ATRN: variants seen among roughly 807,000 people sequenced by gnomAD.
ATRN encodes attractin, also known as attractin-2.
A neutral mutation model predicts 178.7 loss-of-function variants in ATRN; 54 were observed. The observed-to-expected ratio is 0.30, with a 90% CI of 0.24 to 0.38. The LOEUF (loss-of-function observed/expected upper bound fraction) is 0.38. ATRN is among the 10% of genes least tolerant of loss of function. The pLI, the probability that ATRN is intolerant of heterozygous loss-of-function variation, is 1.00. For missense variants in ATRN, 1,443 were observed against 1,815.1 expected, an observed-to-expected ratio of 0.79 and a Z score of 3.73; for synonymous variants, 636 against 663.0, an observed-to-expected ratio of 0.96 and a Z score of 0.63.
Position 3,562,315 on chromosome 20 carries a change from T to C in ATRN, c.1487T>C (p.Leu496Pro), listed in dbSNP as rs749600242. Reference sequence around the variant, plus strand: ...AGTATATTACACACCCAGGGTGCCCTTGTGCAAGGGGGTTACGGCCATAGC... The same window carrying C: ...AGTATATTACACACCCAGGGTGCCCCTGTGCAAGGGGGTTACGGCCATAGC... The part of the protein sequence containing the change: ...TWSILHTQGA[L>P]VQGGYGHSSV... Residue 496 changes from leucine to proline, a missense_variant, in exon 9 of 29, where the codon CTT becomes CCT. This residue lies in a region of ATRN where 862 missense variants were observed against 972.1 expected (regional missense o/e 0.89). Transcript: ENST00000262919. 1 of 1,614,082 alleles carries C rather than the reference T, an allele frequency of 6.2e-7. No homozygotes were observed. Among genetic ancestry groups the C allele is most frequent in the African/African-American group, 1.3e-5 (1 of 75,030 alleles).
chr20:3,551,978 A>T (rs1395446231), intron 6 of ATRN, among the ~76,000 whole-genome samples: 2 of 152,196 alleles, frequency 1.3e-5, no homozygotes, highest in African/African-American at 4.8e-5. Context: ...AGTGTGACTT[A>T]GGAGCTGAAT....
rs530877329 is a variant in ATRN, at chr20:3,639,391, T to A, written c.4050+456T>A. 4.8e-4 allele frequency among the ~76,000 whole-genome samples: 73 copies of A among 152,194 alleles called. No individual in the cohort carries two copies. In the South Asian group the frequency reaches 0.014, roughly 30 times the overall value. On this transcript the variant is annotated intron_variant, in intron 27 of 28. Transcript: ENST00000262919. ...CCCCAGCCTCCTGAGTTGCTGGGAT[T>A]ACCGATGTGCGCAACCACGCCCAGC...
At chr20:3,559,208 T>C (rs74479641) in intron 6 of ATRN, among the ~76,000 whole-genome samples, 185 bp from the exon 7 acceptor site, 5,237 of 152,292 alleles carry the variant, frequency 0.034, 310 homozygotes, top group African/African-American at 0.12. Context: ...GTCCAGCTCC[T>C]CTTCCTGAGT....
intron 15 of ATRN, among the ~76,000 whole-genome samples, chr20:3,579,831 G>A (rs180860077): frequency 2.1e-4 from 32 of 152,278 alleles, no homozygotes; most frequent in Admixed American, 1.8e-3. Flanking sequence ...CTTGGGTACA[G>A]CCTCCTTCAT....
At chr20:3,475,554 T>G (rs753418133) in intron 1 of ATRN, among the ~76,000 whole-genome samples, 1 of 152,262 alleles carries the variant, frequency 6.6e-6, no homozygotes, top group Non-Finnish European at 1.5e-5. Flanking sequence ...AGTACCACTT[T>G]CGTTCATTCT....
At chr20:3,500,879 A>G (rs937018209) in intron 1 of ATRN, among the ~76,000 whole-genome samples, 5 of 152,016 alleles carry the variant, frequency 3.3e-5, no homozygotes, top group African/African-American at 1.2e-4. Context: ...AAAAATAAAA[A>G]TCAAGTGCAT....
At chr20:3,535,982 G>A (rs529302936) in intron 2 of ATRN, among the ~76,000 whole-genome samples, 38 of 152,160 alleles carry the variant, frequency 2.5e-4, no homozygotes, top group African/African-American at 9.2e-4. Context: ...TTGCAATATT[G>A]TGTTATTTTT....
Position 3,471,025 on chromosome 20 carries a change from C to G in ATRN, c.-83C>G. On this transcript the variant is annotated 5_prime_UTR_variant, in exon 1 of 29. Transcript: ENST00000262919. The stretch of plus-strand genomic sequence containing the variant: ...GCACGAGCCACCGTCCGCACAGCCC[C>G]GCCCCGCACGGCCAGGCGAAGCGGA... The G allele has an allele frequency of 7.1e-7, 1 of 1,402,178 alleles. No individual in the cohort carries two copies. The highest frequency in any genetic ancestry group is 9.2e-7 in the Non-Finnish European group (1 of 1,083,176). The allele number at this position is 1,402,178 out of a possible 1,614,324, so 86.9% of individuals were successfully genotyped here.
At chr20:3,598,292 C>T (rs1568755184) in intron 22 of ATRN, among the ~76,000 whole-genome samples, 1 of 152,224 alleles carries the variant, frequency 6.6e-6, no homozygotes, top group Non-Finnish European at 1.5e-5. Flanking sequence ...GGGGACTCCA[C>T]CATCAGAGGG....
intron 1 of ATRN, among the ~76,000 whole-genome samples, chr20:3,514,128 G>A (rs1245101925): frequency 1.3e-5 from 2 of 152,130 alleles, no homozygotes; most frequent in Admixed American, 1.3e-4. Context: ...GTAGACTGGA[G>A]CTGTTCCTAT....
chr20:3,585,016 G>A, intron 18 of ATRN, 136 bp downstream of exon 18: 2 of 842,576 alleles, frequency 2.4e-6, no homozygotes, highest in Non-Finnish European at 3.7e-6. Context: ...GGTACAAGAA[G>A]GAATAGACCA....
intron 11 of ATRN, among the ~76,000 whole-genome samples, chr20:3,572,334 G>A (rs1222368002): frequency 1.3e-5 from 2 of 152,190 alleles, no homozygotes; most frequent in African/African-American, 4.8e-5. Context: ...AGGCTATCAT[G>A]AGAACTTTTT....
chr20:3,559,287 T>G, intron 6 of ATRN, 106 bp from the exon 7 acceptor site: 1 of 835,686 alleles, frequency 1.2e-6, no homozygotes, highest in Non-Finnish European at 2.0e-6. Flanking sequence ...CCTACATCCA[T>G]GGTGGATTTA....
intron 1 of ATRN, among the ~76,000 whole-genome samples, chr20:3,483,338 A>G (rs1276045570): frequency 1.3e-5 from 2 of 152,290 alleles, no homozygotes; most frequent in East Asian, 1.9e-4. Flanking sequence ...TGTTACAAAT[A>G]GTACTACAAT....
rs548809044 is a variant in ATRN, at chr20:3,507,032, C to T, written c.411-28221C>T. ...TACTAGGTTGGTGCAAAAGTAAATG[C>T]GGTTTTTGCCGGGAGGTTTTGTTTT... is the stretch of plus-strand genomic sequence containing the variant. On this transcript the variant is annotated intron_variant, in intron 1 of 28. Coordinates refer to ENST00000262919, the MANE Select transcript of ATRN (RefSeq NM_139321.3). 2.7e-5 allele frequency among the ~76,000 whole-genome samples: 4 copies of T among 149,646 alleles called. No homozygotes were observed. The South Asian group carries it at 8.4e-4, about 32-fold the overall frequency.
intron 6 of ATRN, among the ~76,000 whole-genome samples, chr20:3,552,708 G>C (rs541361545): frequency 6.6e-6 from 1 of 152,310 alleles, no homozygotes; most frequent in South Asian, 2.1e-4. Context: ...GCTCACTTAG[G>C]TTGCTGGCAG....
intron 3 of ATRN, among the ~76,000 whole-genome samples, chr20:3,540,855 G>A (rs1378476036): frequency 6.6e-6 from 1 of 151,998 alleles, no homozygotes; most frequent in Non-Finnish European, 1.5e-5. Context: ...GGCTACCTGT[G>A]GAGAAATGAG....
At chr20:3,606,962 A>G (rs1332273149) in intron 24 of ATRN, among the ~76,000 whole-genome samples, 2 of 152,074 alleles carry the variant, frequency 1.3e-5, no homozygotes, top group Non-Finnish European at 2.9e-5. Flanking sequence ...ATTTGATCCT[A>G]GTGTCTTATT....
In ATRN at chr20:3,650,934, A is replaced by C. The variant is rs1046744664; in HGVS notation, c.*4087A>C. 1.3e-5 allele frequency: 2 copies of C among 152,678 alleles called. No individual in the cohort carries two copies. Among genetic ancestry groups the C allele is most frequent in the African/African-American group, 4.8e-5 (2 of 41,468 alleles). 9.5% of individuals were successfully genotyped at this position (152,678 alleles called of 1,614,324 possible). On this transcript the variant is annotated 3_prime_UTR_variant, in exon 29 of 29. Coordinates refer to ENST00000262919, the MANE Select transcript of ATRN (RefSeq NM_139321.3). ...ATCGCGGGGATTGTGGGTGTTATAC[A>C]TACATTTAGGACTGCAATTTTTTGG...
Sources: gnomAD v4.1 joint callset for allele counts (sites outside exome capture counted in the v4.1 genomes callset) on GRCh38, gnomAD v4.1.1 for gene constraint, gnomAD v4.1.1 regional missense constraint, MANE v1.5 for transcripts, NCBI Gene and HGNC (gene_info 2026-07-23, HGNC 2026-07-21) for gene names.